FMNL2: variants seen among roughly 807,000 people sequenced by gnomAD.
FMNL2 encodes the protein formin like 2, also known as formin-like protein 2.
Under a neutral mutation model 130.2 loss-of-function variants are expected in FMNL2, and 51 were observed. That is an observed-to-expected ratio of 0.39 (90% CI 0.31 to 0.49). The LOEUF is 0.49. FMNL2 is among the 20% of genes least tolerant of loss of function. The pLI, the probability that FMNL2 is intolerant of heterozygous loss-of-function variation, is 0.85. For missense variants in FMNL2, 977 were observed against 1,316.2 expected, an observed-to-expected ratio of 0.74 and a Z score of 3.99; for synonymous variants, 465 against 467.1, an observed-to-expected ratio of 1.00 and a Z score of 0.06.
chr2:152,340,631 A>G (rs1046910365), intron 1 of FMNL2, among the ~76,000 whole-genome samples: 14 of 152,240 alleles, frequency 9.2e-5, no homozygotes, highest in Non-Finnish European at 7.3e-5. Context: ...TGTCAGTGCA[A>G]CGCATATACT....
At chr2:152,468,675 T>C (rs1173365585) in intron 1 of FMNL2, among the ~76,000 whole-genome samples, 1 of 152,192 alleles carries the variant, frequency 6.6e-6, no homozygotes, top group Non-Finnish European at 1.5e-5. Flanking sequence ...TGAAATCAGT[T>C]TCTTCTTTTT....
At chr2:152,343,541 C>T (rs141567697) in intron 1 of FMNL2, among the ~76,000 whole-genome samples, 18 of 146,058 alleles carry the variant, frequency 1.2e-4, no homozygotes, top group African/African-American at 3.5e-4. Flanking sequence ...AGTGATCCAC[C>T]AGTCTTGACA....
At chr2:152,622,565 G>T in intron 15 of FMNL2, 1 of 456,678 alleles carries the variant, frequency 2.2e-6, no homozygotes, top group South Asian at 1.5e-5. Flanking sequence ...TCTGTAGGTT[G>T]CTCCTCACTG....
At chr2:152,349,196 T>C (rs148156592) in intron 1 of FMNL2, among the ~76,000 whole-genome samples, 23 of 152,322 alleles carry the variant, frequency 1.5e-4, no homozygotes, top group African/African-American at 4.6e-4. Flanking sequence ...CTTGAAGTTA[T>C]ATAAGAAGGT....
At position 152,594,297 on chromosome 2, in the gene FMNL2, A is replaced by C. The variant is rs148389342; in HGVS notation, c.877-13042A>C. On this transcript the variant is annotated intron_variant, in intron 9 of 25. Coordinates refer to ENST00000288670, the MANE Select transcript of FMNL2 (RefSeq NM_052905.4). ...CTAAGAAAGATTAAGTGCTTCTTTG[A>C]CTGCAGATATGAAAACAAGGTACCT... Among the ~76,000 whole-genome samples the C allele has an allele frequency of 1.8e-4, 28 of 152,306 alleles. No homozygotes were observed. In the East Asian group the frequency reaches 5.0e-3, roughly 27 times the overall value.
chr2:152,557,330 C>A (rs1412850082), intron 4 of FMNL2, among the ~76,000 whole-genome samples: 2 of 152,162 alleles, frequency 1.3e-5, no homozygotes, highest in Non-Finnish European at 2.9e-5. Context: ...ATTTTCTTTG[C>A]CACCGTTGCC....
chr2:152,634,111 G>A (rs572770657), intron 21 of FMNL2, among the ~76,000 whole-genome samples: 1 of 152,326 alleles, frequency 6.6e-6, no homozygotes, highest in East Asian at 1.9e-4. Context: ...ATTTTGGACC[G>A]TGAATTATCA....
chr2:152,345,179 A>G (rs1160676244), intron 1 of FMNL2, among the ~76,000 whole-genome samples: 1 of 152,196 alleles, frequency 6.6e-6, no homozygotes, highest in Non-Finnish European at 1.5e-5. Flanking sequence ...GACTAGATAA[A>G]ACTTTCTAAT....
rs186445409 is a variant in FMNL2 at position 152,485,512 on chromosome 2, A to T, written c.118-36431A>T. Among the ~76,000 whole-genome samples, 18 of 152,318 alleles carry T rather than the reference A, an allele frequency of 1.2e-4. No homozygotes were observed. In the East Asian group the frequency reaches 3.1e-3, roughly 26 times the overall value. On this transcript the variant is annotated intron_variant, in intron 1 of 25. Transcript: ENST00000288670. ...AGCCGTGATTGTGCCACTGCACTCC[A>T]GCCTGGGGGACAGAGTAAGACTCTC...
chr2:152,362,290 G>A (rs150246201), intron 1 of FMNL2, among the ~76,000 whole-genome samples: 1 of 152,202 alleles, frequency 6.6e-6, no homozygotes, highest in African/African-American at 2.4e-5. Context: ...TTCTTAGGAT[G>A]ATATCAAGTA....
intron 2 of FMNL2, among the ~76,000 whole-genome samples, chr2:152,540,483 GA>G (rs554537065): frequency 9.5e-4 from 145 of 152,182 alleles, no homozygotes; most frequent in Non-Finnish European, 1.8e-3. Flanking sequence ...GATTGAGATA[GA>G]GTTCATATAC....
intron 1 of FMNL2, among the ~76,000 whole-genome samples, chr2:152,337,269 C>T (rs1193849189): frequency 6.6e-6 from 1 of 152,172 alleles, no homozygotes; most frequent in Non-Finnish European, 1.5e-5. Context: ...CCTGCTTTTC[C>T]AGAGACAAAC....
intron 1 of FMNL2, among the ~76,000 whole-genome samples, chr2:152,359,661 G>A (rs1261872870): frequency 6.6e-6 from 1 of 152,052 alleles, no homozygotes; most frequent in East Asian, 1.9e-4. Flanking sequence ...TTTGGTGGGA[G>A]AGATTCTTAG....
chr2:152,510,806 C>A (rs987563201), intron 1 of FMNL2, among the ~76,000 whole-genome samples: 2 of 152,166 alleles, frequency 1.3e-5, no homozygotes, highest in Non-Finnish European at 2.9e-5. Flanking sequence ...TCCAGCTTTC[C>A]TGCCTATCTT....
chr2:152,386,599 C>T (rs894487526), intron 1 of FMNL2, among the ~76,000 whole-genome samples: 2 of 152,252 alleles, frequency 1.3e-5, no homozygotes, highest in African/African-American at 2.4e-5. Flanking sequence ...TCATGCTTTT[C>T]ACCTTATATG....
chr2:152,589,998 TATATATATATACATATAC>T (rs1352134897), intron 9 of FMNL2, among the ~76,000 whole-genome samples: 4 of 132,920 alleles, frequency 3.0e-5, no homozygotes, highest in South Asian at 2.3e-4. Flanking sequence ...TATGTATATG[TATATATATATACATATAC>T]ATATATATAT....
At chr2:152,643,695 T>C (rs1683297326) in intron 25 of FMNL2, 2 of 985,492 alleles carry the variant, frequency 2.0e-6, no homozygotes. Context: ...TATTGCTCAC[T>C]CACTGGCCAC....
chr2:152,487,017 C>T (rs1200736290), intron 1 of FMNL2, among the ~76,000 whole-genome samples: 1 of 152,088 alleles, frequency 6.6e-6, no homozygotes, highest in Non-Finnish European at 1.5e-5. Context: ...TTGCATAATC[C>T]AGACAATATA....
At chr2:152,595,066 T>C (rs1296613348) in intron 9 of FMNL2, among the ~76,000 whole-genome samples, 3 of 152,194 alleles carry the variant, frequency 2.0e-5, no homozygotes, top group African/African-American at 7.2e-5. Flanking sequence ...AGTTTGGTTT[T>C]GGCAGTGGAA....
Sources: gnomAD v4.1 joint callset for allele counts (sites outside exome capture counted in the v4.1 genomes callset) on GRCh38, gnomAD v4.1.1 for gene constraint, MANE v1.5 for transcripts, NCBI Gene and HGNC (gene_info 2026-07-23, HGNC 2026-07-21) for gene names.